Variants in MAL2 observed in about 807,000 individuals in gnomAD.
MAL2 encodes the protein mal, T cell differentiation protein 2, also known as protein MAL2.
A neutral mutation model predicts 18.1 loss-of-function variants in MAL2; 17 were observed. The ratio of observed to expected loss-of-function variants is 0.94; its 90% CI spans 0.64 to 1.41. MAL2 has a LOEUF of 1.41. Among genes scored for constraint, MAL2 ranks in the 40% most tolerant of loss-of-function variants. MAL2 has a pLI of 0.00. For missense variants in MAL2, 222 were observed against 231.9 expected, an observed-to-expected ratio of 0.96 and a Z score of 0.28; for synonymous variants, 102 against 102.3, an observed-to-expected ratio of 1.00 and a Z score of 0.02.
chr8:119,209,162 G>A (rs75460352), intron 1 of MAL2: 13,280 of 153,926 alleles, frequency 0.086, 1,738 homozygotes, highest in African/African-American at 0.28. Flanking sequence ...CCTTTGGATT[G>A]GAAAGAGGAG....
chr8:119,215,115 A>T (rs1280993949), intron 1 of MAL2: 1 of 152,506 alleles, frequency 6.6e-6, no homozygotes, highest in Non-Finnish European at 1.5e-5. Flanking sequence ...AAAAAGATTT[A>T]AAATTGGGTG....
At chr8:119,241,133 A>G (rs1159532159) in intron 3 of MAL2, among the ~76,000 whole-genome samples, 1 of 152,158 alleles carries the variant, frequency 6.6e-6, no homozygotes, top group African/African-American at 2.4e-5. Flanking sequence ...ATCTGTCTGG[A>G]GCAGCACTGT....
At chr8:119,222,537 A>AT (rs960462131) in intron 2 of MAL2, among the ~76,000 whole-genome samples, 2 of 150,960 alleles carry the variant, frequency 1.3e-5, no homozygotes. Context: ...AAAAAAAAAA[A>AT]GAATTTGTGA....
At chr8:119,214,754 T>C (rs1252562753) in intron 1 of MAL2, among the ~76,000 whole-genome samples, 2 of 152,200 alleles carry the variant, frequency 1.3e-5, no homozygotes. Flanking sequence ...AGACATATTT[T>C]TAAAGCCTTC....
intron 1 of MAL2, among the ~76,000 whole-genome samples, chr8:119,213,277 T>C (rs1295847500): frequency 6.6e-6 from 1 of 152,220 alleles, no homozygotes; most frequent in East Asian, 1.9e-4. Flanking sequence ...GGTTCAGTCA[T>C]GCAGATAAAT....
Position 119,243,718 on chromosome 8 carries a change from C to T in MAL2, c.*230C>T, listed in dbSNP as rs1413573992. 5.4e-6 allele frequency: 2 copies of T among 367,254 alleles called. No homozygotes were observed. Among genetic ancestry groups the T allele is most frequent in the Non-Finnish European group, 9.7e-6 (2 of 206,404 alleles). 22.7% of individuals were successfully genotyped at this position (367,254 alleles called of 1,614,324 possible). ...ACATCTCTCCCCTTTTTCCCTTTCC[C>T]CCTTTATTTTCCTCCTTTTCTTTCT... is the stretch of plus-strand genomic sequence containing the variant. On this transcript the variant is annotated 3_prime_UTR_variant, in exon 4 of 4. Coordinates refer to ENST00000614891, the MANE Select transcript of MAL2 (RefSeq NM_052886.3).
At chr8:119,239,849 A>G (rs1818008222) in intron 2 of MAL2, among the ~76,000 whole-genome samples, 1 of 146,528 alleles carries the variant, frequency 6.8e-6, no homozygotes, top group South Asian at 2.4e-4. Context: ...TGGCACATGT[A>G]TACATATGTA....
At position 119,244,955 on chromosome 8, in the gene MAL2, G is replaced by A. The variant is rs1818121578; in HGVS notation, c.*1467G>A. The A allele has an allele frequency of 6.6e-6, 1 of 152,630 alleles. No individual in the cohort carries two copies. The highest frequency in any genetic ancestry group is 1.9e-4 in the East Asian group (1 of 5,168). 9.5% of individuals were successfully genotyped at this position (152,630 alleles called of 1,614,324 possible). The stretch of plus-strand genomic sequence containing the variant: ...ACTTTCTGGCTGAAGCATCCCCTTG[G>A]AGTGCCATGTATAAGTTGGGCTATT... On this transcript the variant is annotated 3_prime_UTR_variant, in exon 4 of 4. Coordinates refer to ENST00000614891, the MANE Select transcript of MAL2 (RefSeq NM_052886.3).
intron 2 of MAL2, among the ~76,000 whole-genome samples, chr8:119,231,952 G>A (rs999756907): frequency 3.3e-5 from 5 of 152,120 alleles, no homozygotes; most frequent in African/African-American, 4.8e-5. Context: ...AAAGGATACA[G>A]AATTTCAGTT....
intron 3 of MAL2, among the ~76,000 whole-genome samples, chr8:119,241,892 G>T (rs1166558283): frequency 6.6e-6 from 1 of 152,094 alleles, no homozygotes; most frequent in Admixed American, 6.6e-5. Flanking sequence ...GAGGAAGAGG[G>T]CCTTGAATGA....
At chr8:119,240,347 A>G (rs1418725016) in intron 3 of MAL2, 27 bp downstream of exon 3, 2 of 1,605,740 alleles carry the variant, frequency 1.2e-6, no homozygotes, top group Non-Finnish European at 1.7e-6. Context: ...AATGAGTACC[A>G]TTCACCAGCA....
intron 2 of MAL2, among the ~76,000 whole-genome samples, chr8:119,236,745 G>A (rs936741882): frequency 3.0e-4 from 45 of 150,636 alleles, no homozygotes; most frequent in East Asian, 1.2e-3. Flanking sequence ...TGAAACCAAC[G>A]AGAACAAAGA....
intron 1 of MAL2, among the ~76,000 whole-genome samples, chr8:119,213,291 T>C (rs1817293984): frequency 6.6e-6 from 1 of 152,338 alleles, no homozygotes; most frequent in East Asian, 1.9e-4. Context: ...GATAAATCTA[T>C]GAAAGGGACT....
chr8:119,230,448 G>A (rs1422767358), intron 2 of MAL2, among the ~76,000 whole-genome samples: 8 of 151,974 alleles, frequency 5.3e-5, no homozygotes, highest in African/African-American at 1.2e-4. Context: ...TTGGGGGGGC[G>A]GGAAGGGGCA....
intron 2 of MAL2, among the ~76,000 whole-genome samples, chr8:119,224,541 A>G (rs1587127669): frequency 6.6e-6 from 1 of 152,272 alleles, no homozygotes; most frequent in South Asian, 2.1e-4. Flanking sequence ...TGGTTTTTTT[A>G]AGATTTTTTT....
chr8:119,227,650 A>G (rs1191119153), intron 2 of MAL2, among the ~76,000 whole-genome samples: 1 of 152,190 alleles, frequency 6.6e-6, no homozygotes, highest in Admixed American at 6.5e-5. Flanking sequence ...TTCCTTCTTG[A>G]TGGAAAATGT....
intron 2 of MAL2, among the ~76,000 whole-genome samples, chr8:119,224,570 G>A (rs1172723007): frequency 6.6e-6 from 1 of 151,622 alleles, no homozygotes; most frequent in Non-Finnish European, 1.5e-5. Flanking sequence ...TAGCTTTTAG[G>A]GTACATGTGG....
At chr8:119,212,271 A>C (rs556758546) in intron 1 of MAL2, among the ~76,000 whole-genome samples, 1 of 152,238 alleles carries the variant, frequency 6.6e-6, no homozygotes, top group East Asian at 1.9e-4. Context: ...GAATACAGAT[A>C]ATCATTGAAT....
At chr8:119,243,389 A>G (rs1392233996) in intron 3 of MAL2, 28 bp from the exon 4 acceptor site, 2 of 1,542,366 alleles carry the variant, frequency 1.3e-6, no homozygotes, top group Non-Finnish European at 1.8e-6. Context: ...TGTAAATCTG[A>G]TGTGAATTTT....
Sources: allele counts gnomAD v4.1 joint callset (sites outside exome capture counted in the v4.1 genomes callset), GRCh38; gene constraint gnomAD v4.1.1; transcripts MANE v1.5; gene names NCBI Gene and HGNC (gene_info 2026-07-23, HGNC 2026-07-21).